The following HDAC9 variants were observed in gnomAD, a reference collection of about 807,000 sequenced individuals.
The protein encoded by HDAC9 is MEF-2 interacting transcription repressor (MITR) protein.
HDAC9 carries 41 observed loss-of-function variants against 139.4 expected under a neutral mutation model. The ratio of observed to expected loss-of-function variants is 0.29; its 90% CI spans 0.23 to 0.38. The LOEUF is 0.38. Among genes scored for constraint, HDAC9 ranks in the 10% least tolerant of loss-of-function variants. The pLI is 1.00. For synonymous variants in HDAC9, 517 were observed against 476.2 expected, an observed-to-expected ratio of 1.09 and a Z score of -1.12; for missense variants, 1,147 against 1,297.0, an observed-to-expected ratio of 0.88 and a Z score of 1.78.
intron 1 of HDAC9, among the ~76,000 whole-genome samples, chr7:18,432,363 A>G (rs1199816900): frequency 1.3e-5 from 2 of 152,190 alleles, no homozygotes; most frequent in African/African-American, 4.8e-5. Context: ...GAGGACATGT[A>G]TTTTAACATA....
chr7:18,689,727 G>A (rs1782538254), intron 12 of HDAC9, among the ~76,000 whole-genome samples: 1 of 151,926 alleles, frequency 6.6e-6, no homozygotes, highest in African/African-American at 2.4e-5. Flanking sequence ...ATCACTAGCA[G>A]CCTAGTTTCC....
Position 18,804,391 on chromosome 7 carries a change from A to G in HDAC9, c.2322+10939A>G, listed in dbSNP as rs1793539860. ...CGTCCACCCTCACACATACACACAA[A>G]CACGCTGTGGTTCATACACACGTAT... is the stretch of plus-strand genomic sequence containing the variant. On this transcript the variant is annotated intron_variant, in intron 17 of 25. Transcript: ENST00000686413. Among the ~76,000 whole-genome samples, 3 of 152,136 alleles carry G rather than the reference A, an allele frequency of 2.0e-5. No homozygotes were observed. The South Asian group carries it at 6.2e-4, about 31-fold the overall frequency.
intron 1 of HDAC9, among the ~76,000 whole-genome samples, chr7:18,359,288 C>T (rs62450075): frequency 0.13 from 19,818 of 152,066 alleles, 1,677 homozygotes; most frequent in Non-Finnish European, 0.18. Context: ...GCAGAGGTTG[C>T]AGTGAGCCAA....
At chr7:18,981,866 C>T (rs561428442) in intron 25 of HDAC9, among the ~76,000 whole-genome samples, 9 of 152,188 alleles carry the variant, frequency 5.9e-5, no homozygotes, top group Non-Finnish European at 8.8e-5. Flanking sequence ...TATTATTCTT[C>T]CTACCACAGA....
At chr7:18,298,737 A>G (rs573671037) in intron 1 of HDAC9, among the ~76,000 whole-genome samples, 13 of 152,316 alleles carry the variant, frequency 8.5e-5, no homozygotes, top group African/African-American at 3.1e-4. Context: ...GTGTTGCTAC[A>G]TAGGACACTC....
At position 18,883,284 on chromosome 7, in the gene HDAC9, G is replaced by T. The variant is rs527837262; in HGVS notation, c.2803+8688G>T. 7.9e-5 allele frequency among the ~76,000 whole-genome samples: 12 copies of T among 151,946 alleles called. No individual in the cohort carries two copies. In the East Asian group the frequency reaches 2.3e-3, roughly 29 times the overall value. On this transcript the variant is annotated intron_variant, in intron 22 of 25. Coordinates refer to ENST00000686413, the MANE Select transcript of HDAC9 (RefSeq NM_178425.4). The stretch of plus-strand genomic sequence containing the variant: ...ACACACTTGAGAGTCAGAAAAAAAC[G>T]TCTCAACAAAATACTACCAAATCAA...
intron 16 of HDAC9, among the ~76,000 whole-genome samples, chr7:18,783,282 A>G (rs11974250): frequency 1.3e-5 from 2 of 152,088 alleles, no homozygotes; most frequent in Non-Finnish European, 2.9e-5. Flanking sequence ...CTCTTTCTTT[A>G]AACAGTTTGC....
chr7:18,408,872 C>G (rs1306468535), intron 1 of HDAC9, among the ~76,000 whole-genome samples: 1 of 152,134 alleles, frequency 6.6e-6, no homozygotes, highest in Non-Finnish European at 1.5e-5. Flanking sequence ...TGACACAGAT[C>G]TACAGCACAA....
intron 1 of HDAC9, among the ~76,000 whole-genome samples, chr7:18,376,764 T>A (rs1443888887): frequency 6.6e-6 from 1 of 152,122 alleles, no homozygotes; most frequent in African/African-American, 2.4e-5. Context: ...ATGGTCACTT[T>A]AATTCATCAA....
intron 1 of HDAC9, among the ~76,000 whole-genome samples, chr7:18,125,422 T>C (rs572945212): frequency 2.3e-5 from 3 of 128,990 alleles, no homozygotes; most frequent in East Asian, 4.6e-4. Flanking sequence ...CACTAACACA[T>C]ATATATATGC....
chr7:18,978,813 A>T (rs1784714289), intron 25 of HDAC9, among the ~76,000 whole-genome samples: 1 of 152,198 alleles, frequency 6.6e-6, no homozygotes, highest in South Asian at 2.1e-4. Flanking sequence ...TTACTCTTGG[A>T]TATCAGTTCA....
At chr7:18,616,359 C>G (rs1265665274) in intron 6 of HDAC9, among the ~76,000 whole-genome samples, 1 of 152,114 alleles carries the variant, frequency 6.6e-6, no homozygotes, top group Admixed American at 6.5e-5. Context: ...TACCCCTTTA[C>G]TATTTTATGT....
chr7:18,199,534 C>T (rs531584745), intron 2 of HDAC9, among the ~76,000 whole-genome samples: 19 of 151,968 alleles, frequency 1.3e-4, no homozygotes, highest in Non-Finnish European at 2.2e-4. Context: ...GCCTGTAATC[C>T]TAATGCTTTG....
chr7:18,348,988 A>G (rs767563314), intron 1 of HDAC9, among the ~76,000 whole-genome samples: 2 of 152,088 alleles, frequency 1.3e-5, no homozygotes, highest in Non-Finnish European at 2.9e-5. Flanking sequence ...AATTATTTTA[A>G]TACCTGTATA....
rs969320331 is a variant in HDAC9 at position 18,279,721 on chromosome 7, C to T, written c.25+117372C>T. Among the ~76,000 whole-genome samples the T allele has an allele frequency of 9.2e-5, 14 of 152,184 alleles. No individual in the cohort carries two copies. The East Asian group carries it at 2.1e-3, about 23-fold the overall frequency. On this transcript the variant is annotated intron_variant, in intron 2 of 12. Transcript: ENST00000417496. ...CCTCGTGATCCACCCCCCTCGACCCCCCAAAGTACTGGGATTACAGGGTGA... is the reference window on the plus strand; with the variant it reads ...CCTCGTGATCCACCCCCCTCGACCCTCCAAAGTACTGGGATTACAGGGTGA...
chr7:18,404,951 G>A (rs755833209), intron 1 of HDAC9, among the ~76,000 whole-genome samples: 1 of 152,174 alleles, frequency 6.6e-6, no homozygotes, highest in African/African-American at 2.4e-5. Flanking sequence ...TGGGCAGGAC[G>A]CCATCCCATT....
chr7:18,755,438 A>C (rs565076431), intron 14 of HDAC9, among the ~76,000 whole-genome samples: 1 of 152,202 alleles, frequency 6.6e-6, no homozygotes, highest in Non-Finnish European at 1.5e-5. Context: ...AAAGAGTTAT[A>C]TAATTTTCAC....
At chr7:18,353,743 C>G (rs1292358113) in intron 1 of HDAC9, among the ~76,000 whole-genome samples, 1 of 152,162 alleles carries the variant, frequency 6.6e-6, no homozygotes, top group Non-Finnish European at 1.5e-5. Flanking sequence ...TATTTTCTGC[C>G]TAAGCAGACT....
intron 25 of HDAC9, among the ~76,000 whole-genome samples, chr7:18,980,815 CCGTCTCCTT>C (rs1390619147): frequency 6.8e-6 from 1 of 146,722 alleles, no homozygotes; most frequent in Non-Finnish European, 1.5e-5. Context: ...TCCTTCTCCT[CCGTCTCCTT>C]CTTCTTCTTT....
Sources: gnomAD v4.1 joint callset for allele counts (sites outside exome capture counted in the v4.1 genomes callset) on GRCh38, gnomAD v4.1.1 for gene constraint, MANE v1.5 for transcripts, NCBI Gene and HGNC (gene_info 2026-07-23, HGNC 2026-07-21) for gene names.